The following SCFD2 variants were observed in gnomAD, a reference collection of about 807,000 sequenced individuals.
SCFD2 encodes sec1 family domain-containing protein 2.
A neutral mutation model predicts 58.9 loss-of-function variants in SCFD2; 54 were observed. That is an observed-to-expected ratio of 0.92 (90% CI 0.74 to 1.15). SCFD2 has a LOEUF of 1.15. Ranked by LOEUF, SCFD2 falls within the 50% of genes most tolerant of loss-of-function variation. The probability of loss-of-function intolerance (pLI) is 0.00; values close to 1 mark genes in which losing one functional copy is unlikely to be tolerated. For synonymous variants in SCFD2, 321 were observed against 335.9 expected (o/e 0.96, Z 0.49); for missense variants, 805 against 836.6 (o/e 0.96, Z 0.47).
intron 4 of SCFD2, among the ~76,000 whole-genome samples, chr4:53,252,970 A>C (rs925605241): frequency 1.3e-5 from 2 of 152,208 alleles, no homozygotes; most frequent in Admixed American, 1.3e-4. Flanking sequence ...AATGGGAGAA[A>C]ATTTTTGCAA....
intron 4 of SCFD2, among the ~76,000 whole-genome samples, chr4:53,258,569 TATATATATAC>T (rs1455811563): frequency 4.6e-5 from 4 of 86,034 alleles, no homozygotes; most frequent in African/African-American, 1.6e-4. Context: ...TATATATATA[TATATATATAC>T]ACACACATAT....
chr4:53,245,588 A>G (rs184978446), intron 4 of SCFD2, among the ~76,000 whole-genome samples: 2 of 152,302 alleles, frequency 1.3e-5, no homozygotes, highest in Admixed American at 1.3e-4. Flanking sequence ...TCAACAAACT[A>G]GGTATTGAAG....
intron 5 of SCFD2, among the ~76,000 whole-genome samples, chr4:52,959,455 T>C (rs1025362569): frequency 3.3e-5 from 5 of 152,136 alleles, no homozygotes; most frequent in African/African-American, 1.2e-4. Flanking sequence ...TTAAGCATAT[T>C]AAAGTCTGAG....
chr4:53,339,979 C>A (rs991708016), intron 2 of SCFD2, among the ~76,000 whole-genome samples: 4 of 152,016 alleles, frequency 2.6e-5, no homozygotes, highest in African/African-American at 9.7e-5. Context: ...AACAAACTGG[C>A]AGAATTGGTT....
chr4:53,193,010 C>A (rs935668321), intron 4 of SCFD2, among the ~76,000 whole-genome samples: 2 of 151,954 alleles, frequency 1.3e-5, no homozygotes, highest in South Asian at 2.1e-4. Context: ...AAATTAAAAA[C>A]AACCTCCTTA....
At chr4:53,335,737 T>C (rs1460318237) in intron 2 of SCFD2, among the ~76,000 whole-genome samples, 1 of 152,008 alleles carries the variant, frequency 6.6e-6, no homozygotes, top group African/African-American at 2.4e-5. Flanking sequence ...AAGGAATCAA[T>C]CAATTCAAAA....
rs570107550 is a variant in SCFD2, at chr4:53,102,647, G to T, written c.1561+42686C>A. On this transcript the variant is annotated intron_variant, in intron 5 of 8. Coordinates refer to ENST00000401642, the MANE Select transcript of SCFD2 (RefSeq NM_152540.4). ...AAAATATGTTCAATTTTACATAAAA[G>T]GAAAATTCATATTAAAATTATATTG... is the stretch of plus-strand genomic sequence containing the variant. Among the ~76,000 whole-genome samples, 149 of 151,706 alleles carry T rather than the reference G, an allele frequency of 9.8e-4. 1 individual carries two copies. Among genetic ancestry groups the T allele is most frequent in the Non-Finnish European group, 1.7e-3 (113 of 67,910 alleles).
intron 5 of SCFD2, among the ~76,000 whole-genome samples, chr4:53,060,931 C>T (rs569088229): frequency 2.0e-5 from 3 of 152,146 alleles, no homozygotes; most frequent in South Asian, 2.1e-4. Context: ...TTTACTGGGT[C>T]GTAACACCTA....
chr4:53,123,069 T>C (rs1348931279), intron 5 of SCFD2, among the ~76,000 whole-genome samples: 1 of 152,164 alleles, frequency 6.6e-6, no homozygotes, highest in Non-Finnish European at 1.5e-5. Context: ...AAGGACTACT[T>C]TGCTGACCCA....
chr4:52,928,986 G>A (rs926547359), intron 5 of SCFD2, among the ~76,000 whole-genome samples: 4 of 152,124 alleles, frequency 2.6e-5, no homozygotes, highest in African/African-American at 9.7e-5. Context: ...TTCAAACAAA[G>A]AGCTCCCAGA....
At chr4:52,895,670 C>A (rs1031150189) in intron 7 of SCFD2, among the ~76,000 whole-genome samples, 11 of 152,126 alleles carry the variant, frequency 7.2e-5, no homozygotes, top group African/African-American at 2.2e-4. Context: ...GATTTCTAAT[C>A]CTTTGGGTAT....
intron 3 of SCFD2, among the ~76,000 whole-genome samples, chr4:53,313,024 A>G (rs1402936175): frequency 2.6e-5 from 4 of 152,212 alleles, no homozygotes; most frequent in South Asian, 4.1e-4. Flanking sequence ...ATCAAAAGAA[A>G]AAAAGCCATT....
chr4:52,991,438 T>C (rs960461945), intron 5 of SCFD2, among the ~76,000 whole-genome samples: 2 of 152,102 alleles, frequency 1.3e-5, no homozygotes, highest in Non-Finnish European at 2.9e-5. Flanking sequence ...GGGATTGGGG[T>C]TCAGGGGAGA....
chr4:52,941,009 C>T (rs377617627), intron 5 of SCFD2, among the ~76,000 whole-genome samples: 12 of 152,192 alleles, frequency 7.9e-5, no homozygotes, highest in African/African-American at 1.2e-4. Context: ...TTGATTCCCC[C>T]GGTCCTAGAT....
rs908769288 is a variant in SCFD2, at chr4:53,241,650, CAT to C, written c.1311+32174_1311+32175del. ...CACCCTGCACATCGCTTTGCCAGCA[CAT>C]GTGTGCACAGGCAAACCAAACCTTG... is the stretch of plus-strand genomic sequence containing the variant. On this transcript the variant is annotated intron_variant, in intron 4 of 8. Coordinates refer to ENST00000401642, the MANE Select transcript of SCFD2 (RefSeq NM_152540.4). Among the ~76,000 whole-genome samples, 23 of 152,352 alleles carry C rather than the reference CAT, an allele frequency of 1.5e-4. No individual in the cohort carries two copies. In the East Asian group the frequency reaches 2.9e-3, roughly 19 times the overall value.
chr4:53,329,157 G>C (rs560550020), intron 2 of SCFD2, among the ~76,000 whole-genome samples: 1 of 152,318 alleles, frequency 6.6e-6, no homozygotes, highest in East Asian at 1.9e-4. Context: ...AGGTGGCAGC[G>C]AGGCTGGGGA....
At chr4:53,220,337 C>T (rs1186009652) in intron 4 of SCFD2, among the ~76,000 whole-genome samples, 1 of 152,188 alleles carries the variant, frequency 6.6e-6, no homozygotes, top group Non-Finnish European at 1.5e-5. Context: ...ATGCTGTATA[C>T]ATTTGTTGGT....
intron 2 of SCFD2, among the ~76,000 whole-genome samples, chr4:53,323,124 T>C (rs74917044): frequency 0.017 from 2,547 of 152,290 alleles, 78 homozygotes; most frequent in African/African-American, 0.058. Context: ...CTTCAAAGCC[T>C]TGGAAAAACT....
At chr4:53,030,269 G>A (rs1224128141) in intron 5 of SCFD2, among the ~76,000 whole-genome samples, 2 of 152,120 alleles carry the variant, frequency 1.3e-5, no homozygotes, top group East Asian at 1.9e-4. Flanking sequence ...AAACCACAAT[G>A]AGTGGTAGCT....
Sources: allele counts gnomAD v4.1 joint callset (sites outside exome capture counted in the v4.1 genomes callset), GRCh38; gene constraint gnomAD v4.1.1; transcripts MANE v1.5; gene names NCBI Gene and HGNC (gene_info 2026-07-23, HGNC 2026-07-21).